REEP3: variants seen among roughly 807,000 people sequenced by gnomAD.
REEP3 encodes receptor accessory protein 3, also known as receptor expression-enhancing protein 3.
REEP3 carries 20 observed loss-of-function variants against 41.3 expected under a neutral mutation model. The observed-to-expected ratio is 0.48, with a 90% CI of 0.34 to 0.70. The LOEUF (loss-of-function observed/expected upper bound fraction) is 0.70. Ranked by LOEUF, REEP3 falls within the 30% of genes least tolerant of loss-of-function variation. The pLI, the probability that REEP3 is intolerant of heterozygous loss-of-function variation, is 0.01. For synonymous variants in REEP3, 104 were observed against 101.8 expected, an observed-to-expected ratio of 1.02 and a Z score of -0.13; for missense variants, 271 against 308.8, an observed-to-expected ratio of 0.88 and a Z score of 0.92.
intron 2 of REEP3, among the ~76,000 whole-genome samples, chr10:63,586,424 G>A (rs1956007396): frequency 6.6e-6 from 1 of 151,882 alleles, no homozygotes; most frequent in Admixed American, 6.6e-5. Flanking sequence ...ATATTTCCTT[G>A]GAAAATCAAT....
chr10:63,542,648 A>G (rs902235406), intron 1 of REEP3, among the ~76,000 whole-genome samples: 5 of 152,218 alleles, frequency 3.3e-5, no homozygotes, highest in Non-Finnish European at 5.9e-5. Context: ...GGCACTAATC[A>G]GTATTTCAGA....
intron 5 of REEP3, among the ~76,000 whole-genome samples, chr10:63,605,936 T>C (rs1207187215): frequency 1.3e-5 from 2 of 152,196 alleles, no homozygotes; most frequent in African/African-American, 4.8e-5. Flanking sequence ...ACAGAGGCAT[T>C]TGGGCCCACC....
chr10:63,577,376 T>C (rs1955907151), intron 2 of REEP3, among the ~76,000 whole-genome samples: 1 of 152,240 alleles, frequency 6.6e-6, no homozygotes, highest in East Asian at 1.9e-4. Context: ...TTGGAGTCTC[T>C]CTCCTCCTTA....
At chr10:63,540,234 T>A (rs1376352115) in intron 1 of REEP3, among the ~76,000 whole-genome samples, 6 of 152,198 alleles carry the variant, frequency 3.9e-5, no homozygotes, top group Non-Finnish European at 8.8e-5. Flanking sequence ...CTACAGTACC[T>A]CATGAAATTC....
At chr10:63,535,571 T>C (rs1215546200) in intron 1 of REEP3, among the ~76,000 whole-genome samples, 2 of 152,092 alleles carry the variant, frequency 1.3e-5, no homozygotes. Context: ...GAATAAAAAC[T>C]TTCACTATTA....
chr10:63,560,274 A>C (rs1955728479), intron 1 of REEP3, among the ~76,000 whole-genome samples: 1 of 152,194 alleles, frequency 6.6e-6, no homozygotes, highest in African/African-American at 2.4e-5. Context: ...CCTTGATATT[A>C]GTGCTTTGTA....
intron 2 of REEP3, among the ~76,000 whole-genome samples, chr10:63,589,309 G>A (rs56809139): frequency 0.039 from 5,422 of 138,462 alleles, 318 homozygotes; most frequent in East Asian, 0.28. Context: ...TAGTAGTGCT[G>A]GAACCTTCTA....
intron 2 of REEP3, among the ~76,000 whole-genome samples, chr10:63,570,039 G>A (rs1955838839): frequency 6.6e-6 from 1 of 151,904 alleles, no homozygotes; most frequent in African/African-American, 2.4e-5. Context: ...TTAATTTTTA[G>A]AGACTTAAAA....
intron 2 of REEP3, among the ~76,000 whole-genome samples, chr10:63,567,289 A>C (rs1302166323): frequency 1.3e-5 from 2 of 152,290 alleles, no homozygotes; most frequent in East Asian, 3.9e-4. Flanking sequence ...ATATAATACA[A>C]TATAATACAA....
intron 6 of REEP3, among the ~76,000 whole-genome samples, chr10:63,612,238 G>A (rs532188355): frequency 4.6e-5 from 7 of 152,102 alleles, no homozygotes; most frequent in Non-Finnish European, 7.4e-5. Flanking sequence ...GCGGTGGTAC[G>A]ATCTTGGCTC....
intron 4 of REEP3, among the ~76,000 whole-genome samples, 155 bp from the exon 5 acceptor site, chr10:63,599,015 C>T (rs1956146515): frequency 6.6e-6 from 1 of 151,880 alleles, no homozygotes; most frequent in African/African-American, 2.4e-5. Flanking sequence ...GGAAGAGACC[C>T]TCTCTCAAAA....
intron 1 of REEP3, among the ~76,000 whole-genome samples, chr10:63,523,590 C>T (rs761435650): frequency 6.6e-5 from 10 of 152,080 alleles, no homozygotes; most frequent in Non-Finnish European, 1.3e-4. Context: ...GAGCCGTGAT[C>T]GTGCCACTGC....
chr10:63,610,106 T>A, intron 5 of REEP3, 81 bp from the exon 6 acceptor site: 2 of 1,214,284 alleles, frequency 1.6e-6, no homozygotes, highest in South Asian at 3.2e-5. Context: ...TCTGAAGTTA[T>A]CTTAATAAAA....
At chr10:63,556,597 T>A (rs1206005864) in intron 1 of REEP3, among the ~76,000 whole-genome samples, 1 of 142,092 alleles carries the variant, frequency 7.0e-6, no homozygotes, top group Non-Finnish European at 1.5e-5. Flanking sequence ...TTGTTTTGTT[T>A]TGTTTTCTGT....
chr10:63,574,795 C>T (rs1010421997), intron 2 of REEP3, among the ~76,000 whole-genome samples: 1 of 144,746 alleles, frequency 6.9e-6, no homozygotes, highest in Non-Finnish European at 1.5e-5. Context: ...TTAATTTCTT[C>T]ATTTTGATAA....
rs2133440627 is a variant in REEP3, at chr10:63,621,475, A to T, written c.*606A>T. Reference sequence around the variant, plus strand: ...AGTTTTGCACACTTGAAAATTGTTTACTTATTTTACAACTGTTTTACTGAT... The same window carrying T: ...AGTTTTGCACACTTGAAAATTGTTTTCTTATTTTACAACTGTTTTACTGAT... On this transcript the variant is annotated 3_prime_UTR_variant, in exon 8 of 8. Coordinates refer to ENST00000373758, the MANE Select transcript of REEP3 (RefSeq NM_001001330.3). The T allele has an allele frequency of 6.6e-6, 1 of 152,660 alleles. No homozygotes were observed. The highest frequency in any genetic ancestry group is 1.5e-5 in the Non-Finnish European group (1 of 68,000). The allele number at this position is 152,660 out of a possible 1,614,324, so 9.5% of individuals were successfully genotyped here. A position where few individuals can be genotyped will look rare whatever the true frequency, so the allele number is the denominator to read the frequency against.
chr10:63,564,569 G>A (rs1006763318), intron 1 of REEP3, among the ~76,000 whole-genome samples: 5 of 151,844 alleles, frequency 3.3e-5, no homozygotes, highest in Non-Finnish European at 7.4e-5. Flanking sequence ...GCTGCAGTGA[G>A]CCGATGTCAC....
chr10:63,565,292 G>A (rs1294421724), intron 1 of REEP3, among the ~76,000 whole-genome samples: 3 of 152,200 alleles, frequency 2.0e-5, no homozygotes, highest in African/African-American at 7.2e-5. Context: ...TAAAAATACT[G>A]TAGGATAACA....
At chr10:63,592,624 C>T (rs1290217688) in intron 2 of REEP3, among the ~76,000 whole-genome samples, 1 of 152,140 alleles carries the variant, frequency 6.6e-6, no homozygotes, top group Non-Finnish European at 1.5e-5. Flanking sequence ...GGCGCGGTGG[C>T]TCATGCCTGT....
Sources: gnomAD v4.1 joint callset for allele counts (sites outside exome capture counted in the v4.1 genomes callset) on GRCh38, gnomAD v4.1.1 for gene constraint, MANE v1.5 for transcripts, NCBI Gene and HGNC (gene_info 2026-07-23, HGNC 2026-07-21) for gene names.